The following MTHFD1L variants were observed in gnomAD, a reference collection of about 807,000 sequenced individuals.
The protein encoded by MTHFD1L is methylenetetrahydrofolate dehydrogenase (NADP+ dependent) 1 like, also known as monofunctional C1-tetrahydrofolate synthase, mitochondrial.
MTHFD1L carries 81 observed loss-of-function variants against 119.5 expected under a neutral mutation model. The observed-to-expected ratio is 0.68, with a 90% CI of 0.57 to 0.82. The LOEUF is 0.82. MTHFD1L is among the 40% of genes least tolerant of loss of function. MTHFD1L has a pLI of 0.00. For missense variants in MTHFD1L, 1,125 were observed against 1,253.4 expected (o/e 0.90, Z 1.55); for synonymous variants, 430 against 475.2 (o/e 0.90, Z 1.24).
intron 26 of MTHFD1L, among the ~76,000 whole-genome samples, chr6:151,041,055 G>A (rs1359379667): frequency 6.6e-6 from 1 of 152,176 alleles, no homozygotes; most frequent in Non-Finnish European, 1.5e-5. Context: ...GGCCACACAC[G>A]GGGTCGCAGT....
At chr6:150,944,457 A>G (rs556062668) in intron 13 of MTHFD1L, 29 bp from the exon 14 acceptor site, 3 of 1,530,316 alleles carry the variant, frequency 2.0e-6, no homozygotes, top group East Asian at 2.3e-5. Context: ...CTGAAAATAA[A>G]TAAATAGAAA....
At chr6:151,026,518 C>T (rs1323462711) in intron 24 of MTHFD1L, among the ~76,000 whole-genome samples, 1 of 152,088 alleles carries the variant, frequency 6.6e-6, no homozygotes, top group Non-Finnish European at 1.5e-5. Flanking sequence ...CAGCTTTGTT[C>T]TAGAGTATTT....
chr6:151,016,767 C>A (rs1390932160), intron 24 of MTHFD1L: 1 of 300,388 alleles, frequency 3.3e-6, no homozygotes, highest in Non-Finnish European at 6.2e-6. Flanking sequence ...ACTATCTTAG[C>A]CTTTTTTTTT....
At chr6:150,894,226 G>A (rs1783834694) in intron 7 of MTHFD1L, among the ~76,000 whole-genome samples, 1 of 152,096 alleles carries the variant, frequency 6.6e-6, no homozygotes, top group South Asian at 2.1e-4. Context: ...GCAGGCTGGA[G>A]GAAGAGAAAT....
At chr6:151,040,343 A>G (rs1786905464) in intron 26 of MTHFD1L, among the ~76,000 whole-genome samples, 1 of 152,212 alleles carries the variant, frequency 6.6e-6, no homozygotes, top group South Asian at 2.1e-4. Flanking sequence ...TGAATTAGTA[A>G]AGAGAATAGT....
rs192915822 is a variant in MTHFD1L at position 151,086,347 on chromosome 6, C to T, written c.2848-6120C>T. Among the ~76,000 whole-genome samples the T allele has an allele frequency of 9.2e-5, 14 of 152,210 alleles. No individual in the cohort carries two copies. In the East Asian group the frequency reaches 2.5e-3, roughly 27 times the overall value. ...ACATTGATACTGGGCCATTTATCCT[C>T]GTGCATCATCTTAGAGTTACATTTG... On this transcript the variant is annotated intron_variant, in intron 26 of 27. Transcript: ENST00000367321.
chr6:150,989,919 C>A (rs491552), intron 20 of MTHFD1L, among the ~76,000 whole-genome samples: 1 of 152,004 alleles, frequency 6.6e-6, no homozygotes, highest in African/African-American at 2.4e-5. Flanking sequence ...AAATGAACTT[C>A]GTGGTTAAAT....
At chr6:150,978,093 G>C (rs1406741979) in intron 20 of MTHFD1L, among the ~76,000 whole-genome samples, 3 of 151,904 alleles carry the variant, frequency 2.0e-5, no homozygotes, top group Non-Finnish European at 4.4e-5. Context: ...TAGAGACCTG[G>C]TTTCACCATG....
At chr6:150,952,317 A>G (rs1195259638) in intron 16 of MTHFD1L, among the ~76,000 whole-genome samples, 1 of 152,206 alleles carries the variant, frequency 6.6e-6, no homozygotes, top group Non-Finnish European at 1.5e-5. Context: ...TCTTCATCAA[A>G]AGAATTGAGA....
At chr6:150,913,246 C>T (rs1021076184) in intron 8 of MTHFD1L, among the ~76,000 whole-genome samples, 3 of 152,070 alleles carry the variant, frequency 2.0e-5, no homozygotes, top group Non-Finnish European at 4.4e-5. Context: ...CTGCAAGCTC[C>T]GCCTCCCGGG....
Position 151,017,830 on chromosome 6 carries a change from C to CTTTTTTTTTTTTTTT in MTHFD1L, c.2586+2145_2586+2159dup, listed in dbSNP as rs895364993. 8.1e-5 allele frequency among the ~76,000 whole-genome samples: 8 copies of CTTTTTTTTTTTTTTT among 99,012 alleles called. 1 individual carries two copies. The highest frequency in any genetic ancestry group is 3.3e-4 in the African/African-American group (8 of 24,368). 65.0% of individuals were successfully genotyped at this position (99,012 alleles called of 152,430 possible). ...AAGTATCCCTTCAAGACCGTGTTTT[C>CTTTTTTTTTTTTTTT]TTTTTTTTTTTTTTTTTTTTTTGAG... On this transcript the variant is annotated intron_variant, in intron 24 of 27. Coordinates refer to ENST00000367321, the MANE Select transcript of MTHFD1L (RefSeq NM_015440.5).
In MTHFD1L at chr6:150,865,745, G is replaced by T. The variant is rs1778183742; in HGVS notation, c.-78G>T. 1 of 1,164,536 alleles carries T rather than the reference G, an allele frequency of 8.6e-7. No homozygotes were observed. The highest frequency in any genetic ancestry group is 5.7e-5 in the East Asian group (1 of 17,444). 72.1% of individuals were successfully genotyped at this position (1,164,536 alleles called of 1,614,324 possible). On this transcript the variant is annotated 5_prime_UTR_variant, in exon 1 of 28. Transcript: ENST00000367321. ...TCCCGCCGCCGCCGCCGCCGCCGCC[G>T]CCTGCTCCCCTGGCACGCGCCCCGC...
chr6:150,970,075 G>A (rs925561198), intron 19 of MTHFD1L, among the ~76,000 whole-genome samples: 16 of 152,062 alleles, frequency 1.1e-4, no homozygotes, highest in Admixed American at 3.3e-4. Context: ...ATGCTTTCCC[G>A]CTCACATCTG....
At chr6:150,920,633 T>C (rs1260967957) in intron 9 of MTHFD1L, among the ~76,000 whole-genome samples, 1 of 152,222 alleles carries the variant, frequency 6.6e-6, no homozygotes, top group East Asian at 1.9e-4. Flanking sequence ...AGGATGGTAT[T>C]TGGAAGCTGG....
At chr6:150,991,260 A>G (rs1392013997) in intron 20 of MTHFD1L, among the ~76,000 whole-genome samples, 1 of 151,568 alleles carries the variant, frequency 6.6e-6, no homozygotes, top group Non-Finnish European at 1.5e-5. Flanking sequence ...TCCAGGAAAA[A>G]GCAAAAAAAA....
chr6:151,046,471 GTATATATATATATATATATATA>G (rs1156377344), intron 26 of MTHFD1L, among the ~76,000 whole-genome samples: 27 of 36,448 alleles, frequency 7.4e-4, no homozygotes, highest in East Asian at 3.9e-3. Flanking sequence ...ATGTGTGTGT[GTATATATATATATATATATATA>G]TATATATATA....
intron 8 of MTHFD1L, among the ~76,000 whole-genome samples, chr6:150,914,950 C>G (rs1583528400): frequency 6.6e-6 from 1 of 152,164 alleles, no homozygotes; most frequent in South Asian, 2.1e-4. Context: ...TTCATGGTAC[C>G]CTTTTAACTC....
At chr6:151,078,216 C>T (rs1792777000) in intron 26 of MTHFD1L, among the ~76,000 whole-genome samples, 2 of 151,778 alleles carry the variant, frequency 1.3e-5, no homozygotes, top group Admixed American at 1.3e-4. Flanking sequence ...AATGAGCAAG[C>T]AGAGGAAGGA....
At chr6:151,079,134 A>T (rs1792863633) in intron 26 of MTHFD1L, among the ~76,000 whole-genome samples, 1 of 152,116 alleles carries the variant, frequency 6.6e-6, no homozygotes, top group South Asian at 2.1e-4. Context: ...GAAGAACAGG[A>T]GTGTAATCAA....
Sources: gnomAD v4.1 joint callset for allele counts (sites outside exome capture counted in the v4.1 genomes callset) on GRCh38, gnomAD v4.1.1 for gene constraint, MANE v1.5 for transcripts, NCBI Gene and HGNC (gene_info 2026-07-23, HGNC 2026-07-21) for gene names.